CBLB: variants seen among roughly 807,000 people sequenced by gnomAD.
The protein encoded by CBLB is Cbl proto-oncogene B.
A neutral mutation model predicts 104.9 loss-of-function variants in CBLB; 31 were observed. The observed-to-expected ratio is 0.30, with a 90% confidence interval of 0.22 to 0.40. The LOEUF (loss-of-function observed/expected upper bound fraction) is 0.40. CBLB is among the 10% of genes least tolerant of loss of function. The probability of loss-of-function intolerance (pLI) is 1.00; values close to 1 mark genes in which losing one functional copy is unlikely to be tolerated. For missense variants in CBLB, 1,062 were observed against 1,214.6 expected (o/e 0.87, Z 1.87); for synonymous variants, 440 against 422.6 (o/e 1.04, Z -0.51).
chr3:105,842,891 T>C (rs2153099753), intron 3 of CBLB, among the ~76,000 whole-genome samples: 1 of 152,370 alleles, frequency 6.6e-6, no homozygotes, highest in Admixed American at 6.5e-5. Flanking sequence ...GAAACTTACA[T>C]ATAATGCAAC....
chr3:105,804,063 A>T (rs1195542391), intron 3 of CBLB, among the ~76,000 whole-genome samples: 1 of 152,166 alleles, frequency 6.6e-6, no homozygotes. Context: ...AACATTTTTA[A>T]TATACACATA....
rs150641366 is a variant in CBLB at position 105,732,468 on chromosome 3, A to G, written c.1203+1541T>C. Among the ~76,000 whole-genome samples the G allele has an allele frequency of 5.5e-3, 843 of 152,290 alleles. 9 individuals are homozygous for G. The highest frequency in any genetic ancestry group is 0.019 in the African/African-American group (793 of 41,558). On this transcript the variant is annotated intron_variant, in intron 9 of 18. Transcript: ENST00000394030. Reference sequence around the variant, plus strand: ...GGGAGAGGATATAAAGAAAAACGTAAAACAAAATATAAGCCAAATGCATAT... The same window carrying G: ...GGGAGAGGATATAAAGAAAAACGTAGAACAAAATATAAGCCAAATGCATAT...
chr3:105,678,904 G>T (rs1219990410), intron 16 of CBLB, among the ~76,000 whole-genome samples: 1 of 152,112 alleles, frequency 6.6e-6, no homozygotes, highest in African/African-American at 2.4e-5. Context: ...AGGACTCAGA[G>T]TTTGAACTAA....
chr3:105,723,266 C>T (rs1323917282), intron 9 of CBLB, among the ~76,000 whole-genome samples: 1 of 152,098 alleles, frequency 6.6e-6, no homozygotes, highest in Admixed American at 6.5e-5. Flanking sequence ...TCAATGTATA[C>T]TTAATGCAAG....
chr3:105,790,463 T>G (rs1013886192), intron 3 of CBLB, among the ~76,000 whole-genome samples: 1 of 152,262 alleles, frequency 6.6e-6, no homozygotes, highest in African/African-American at 2.4e-5. Flanking sequence ...TCAACATATA[T>G]GGAGTTCCAT....
intron 10 of CBLB, among the ~76,000 whole-genome samples, chr3:105,718,630 A>G (rs575950155): frequency 6.6e-6 from 1 of 152,340 alleles, no homozygotes; most frequent in East Asian, 1.9e-4. Flanking sequence ...AATGGCAAAT[A>G]GGTTTCATGC....
intron 3 of CBLB, among the ~76,000 whole-genome samples, chr3:105,838,711 G>C (rs2089033274): frequency 6.9e-6 from 1 of 144,370 alleles, no homozygotes; most frequent in Non-Finnish European, 1.5e-5. Flanking sequence ...GTGTAGTAGT[G>C]TGAACTCGGC....
At position 105,752,582 on chromosome 3, in the gene CBLB, T is replaced by C. The variant is rs534591937; in HGVS notation, c.567-964A>G. ...TAACATCCTCTTATAAGATAGCAAA[T>C]ATTTAAATCTTAGGTTTCCTTTACC... On this transcript the variant is annotated intron_variant, in intron 4 of 18. Coordinates refer to ENST00000394030, the MANE Select transcript of CBLB (RefSeq NM_170662.5). Among the ~76,000 whole-genome samples the C allele has an allele frequency of 6.6e-5, 10 of 152,278 alleles. No homozygotes were observed. The East Asian group carries it at 1.9e-3, about 29-fold the overall frequency.
At chr3:105,679,989 T>C (rs562207032) in intron 16 of CBLB, among the ~76,000 whole-genome samples, 1 of 152,200 alleles carries the variant, frequency 6.6e-6, no homozygotes, top group Non-Finnish European at 1.5e-5. Flanking sequence ...TCATGCATGA[T>C]ATGAAAATCA....
chr3:105,765,047 TA>T (rs924298901), intron 4 of CBLB, among the ~76,000 whole-genome samples: 1 of 152,142 alleles, frequency 6.6e-6, no homozygotes, highest in African/African-American at 2.4e-5. Flanking sequence ...CTCTCTAACA[TA>T]AAAGTGCAAG....
chr3:105,828,569 C>T (rs1379268028), intron 3 of CBLB, among the ~76,000 whole-genome samples: 1 of 152,058 alleles, frequency 6.6e-6, no homozygotes, highest in Admixed American at 6.6e-5. Context: ...ATTTTCTAAA[C>T]TAACAAAATA....
intron 3 of CBLB, among the ~76,000 whole-genome samples, chr3:105,799,660 T>C (rs912016323): frequency 6.6e-6 from 1 of 152,150 alleles, no homozygotes; most frequent in Non-Finnish European, 1.5e-5. Flanking sequence ...CAGAAAACAA[T>C]AAAATGTTTT....
chr3:105,808,803 T>G (rs2083862806), intron 3 of CBLB, among the ~76,000 whole-genome samples: 1 of 152,208 alleles, frequency 6.6e-6, no homozygotes, highest in African/African-American at 2.4e-5. Context: ...TAGAAATAAC[T>G]GATAAAAATG....
intron 4 of CBLB, among the ~76,000 whole-genome samples, chr3:105,770,815 AGT>A (rs887650458): frequency 6.6e-6 from 1 of 152,124 alleles, no homozygotes; most frequent in Non-Finnish European, 1.5e-5. Context: ...GCACTGTGGG[AGT>A]GAGATCAGCC....
intron 3 of CBLB, among the ~76,000 whole-genome samples, chr3:105,843,403 G>C (rs2055558): frequency 0.91 from 138,477 of 152,038 alleles, 63,372 homozygotes; most frequent in Non-Finnish European, 0.96. Context: ...ATAGGGAAAA[G>C]TTTATAAACA....
chr3:105,672,681 A>G (rs1328378124), intron 17 of CBLB: 1 of 152,218 alleles, frequency 6.6e-6, no homozygotes, highest in Non-Finnish European at 1.5e-5. Flanking sequence ...AAATGGATAC[A>G]CATACAGAGA....
chr3:105,732,747 C>A (rs1427422676), intron 9 of CBLB, among the ~76,000 whole-genome samples: 1 of 152,078 alleles, frequency 6.6e-6, no homozygotes, highest in Non-Finnish European at 1.5e-5. Context: ...GTCTGTCAGC[C>A]CCCTTCCATG....
chr3:105,862,361 A>G (rs1481746491), intron 2 of CBLB, among the ~76,000 whole-genome samples: 3 of 152,150 alleles, frequency 2.0e-5, no homozygotes, highest in African/African-American at 7.2e-5. Flanking sequence ...TTACCTCATT[A>G]AGTGCATCAC....
chr3:105,775,848 CAT>C (rs2152962209), intron 4 of CBLB, among the ~76,000 whole-genome samples: 1 of 152,290 alleles, frequency 6.6e-6, no homozygotes, highest in Non-Finnish European at 1.5e-5. Flanking sequence ...CTTGTTCACA[CAT>C]ATATAATCTC....
Sources: gnomAD v4.1 joint callset for allele counts (sites outside exome capture counted in the v4.1 genomes callset) on GRCh38, gnomAD v4.1.1 for gene constraint, MANE v1.5 for transcripts, NCBI Gene and HGNC (gene_info 2026-07-23, HGNC 2026-07-21) for gene names.